The following MRTFB variants were observed in gnomAD, a reference collection of about 807,000 sequenced individuals.
The protein encoded by MRTFB is myocardin-related transcription factor B.
Under a neutral mutation model 104.2 loss-of-function variants are expected in MRTFB, and 29 were observed. The ratio of observed to expected loss-of-function variants is 0.28; its 90% confidence interval spans 0.21 to 0.38. The LOEUF is 0.38. MRTFB is among the 10% of genes least tolerant of loss of function. The pLI is 1.00. For missense variants in MRTFB, 1,270 were observed against 1,341.6 expected, an observed-to-expected ratio of 0.95 and a Z score of 0.83; for synonymous variants, 535 against 519.5, an observed-to-expected ratio of 1.03 and a Z score of -0.41.
chr16:14,255,987 C>T (rs1168065415), intron 15 of MRTFB, among the ~76,000 whole-genome samples: 1 of 151,594 alleles, frequency 6.6e-6, no homozygotes, highest in East Asian at 1.9e-4. Context: ...GTGGTGCATA[C>T]CTGTAGTCCC....
intron 3 of MRTFB, among the ~76,000 whole-genome samples, chr16:14,159,684 C>T (rs2038955533): frequency 6.6e-6 from 1 of 151,988 alleles, no homozygotes; most frequent in Non-Finnish European, 1.5e-5. Context: ...AATCCCAGCA[C>T]TTTGGGAGGC....
intron 2 of MRTFB, among the ~76,000 whole-genome samples, chr16:14,109,431 G>A (rs1037554983): frequency 6.6e-6 from 1 of 152,138 alleles, no homozygotes. Flanking sequence ...AGGATATCAA[G>A]AAGAAAACAT....
chr16:14,143,888 G>T (rs907554611), intron 3 of MRTFB: 3 of 152,138 alleles, frequency 2.0e-5, no homozygotes, highest in African/African-American at 7.2e-5. Flanking sequence ...GTGAAAAGGA[G>T]GTTACCCTCC....
intron 10 of MRTFB, among the ~76,000 whole-genome samples, chr16:14,243,986 T>G (rs1428175392): frequency 6.6e-6 from 1 of 151,672 alleles, no homozygotes; most frequent in Non-Finnish European, 1.5e-5. Context: ...CACGCCATTC[T>G]CCTGCCTCAG....
chr16:14,052,965 T>C, the MRTFB span, among the ~76,000 whole-genome samples: 2 of 152,134 alleles, frequency 1.3e-5, no homozygotes, highest in Non-Finnish European at 2.9e-5. Context: ...GAACATATGA[T>C]ATTTGTTTTT....
chr16:14,024,106 A>G, the MRTFB span, among the ~76,000 whole-genome samples: 1 of 151,526 alleles, frequency 6.6e-6, no homozygotes, highest in Non-Finnish European at 1.5e-5. Flanking sequence ...TATCACCATC[A>G]TCTACCTTAT....
In MRTFB at chr16:14,248,908, T is replaced by C. The variant is rs1275355227; in HGVS notation, c.2248-18T>C. On this transcript the variant is annotated intron_variant, in intron 12 of 16. Transcript: ENST00000571589. ...ATTCTGACAATTAAATTGATGTTTT[T>C]TTCAATTCACCTCCTAGACTTCACC... The C allele has an allele frequency of 1.9e-6, 3 of 1,609,352 alleles. No homozygotes were observed. The Admixed American group carries it at 5.1e-5, about 27-fold the overall frequency.
chr16:14,168,026 G>T (rs1007905452), intron 3 of MRTFB, among the ~76,000 whole-genome samples: 9 of 152,252 alleles, frequency 5.9e-5, no homozygotes, highest in African/African-American at 2.2e-4. Flanking sequence ...GTGTAAGGAA[G>T]GGGCCTAGTT....
the MRTFB span, among the ~76,000 whole-genome samples, chr16:14,006,661 T>C: frequency 1.3e-5 from 2 of 152,216 alleles, no homozygotes; most frequent in African/African-American, 4.8e-5. Context: ...TGTTTGCATG[T>C]TTCAATATTT....
At chr16:14,031,391 CAAAA>C in the MRTFB span, among the ~76,000 whole-genome samples, 3 of 81,162 alleles carry the variant, frequency 3.7e-5, no homozygotes, top group Non-Finnish European at 2.5e-5. Context: ...GAGGCTGTCT[CAAAA>C]AAAAAAAAAA....
intron 2 of MRTFB, among the ~76,000 whole-genome samples, chr16:14,082,179 C>T (rs952827982): frequency 5.9e-5 from 9 of 152,322 alleles, no homozygotes; most frequent in African/African-American, 4.8e-5. Flanking sequence ...TCACATCTTA[C>T]GTTTAAGTCT....
chr16:14,145,099 C>T (rs1266883819), intron 3 of MRTFB, among the ~76,000 whole-genome samples: 2 of 150,672 alleles, frequency 1.3e-5, no homozygotes, highest in Admixed American at 6.6e-5. Context: ...AGTATGTTCA[C>T]ATCAAGTAAT....
intron 3 of MRTFB, among the ~76,000 whole-genome samples, chr16:14,162,266 C>T (rs2039070630): frequency 6.6e-6 from 1 of 151,814 alleles, no homozygotes; most frequent in South Asian, 2.1e-4. Flanking sequence ...CCTGTGATGT[C>T]GAGACTGCAG....
intron 3 of MRTFB, among the ~76,000 whole-genome samples, chr16:14,166,622 C>G (rs2039250946): frequency 6.6e-6 from 1 of 152,144 alleles, no homozygotes; most frequent in African/African-American, 2.4e-5. Flanking sequence ...GTATTAAGCC[C>G]AGCATGCATT....
At chr16:14,172,636 A>G (rs989743763) in intron 3 of MRTFB, among the ~76,000 whole-genome samples, 1 of 152,164 alleles carries the variant, frequency 6.6e-6, no homozygotes, top group South Asian at 2.1e-4. Flanking sequence ...TCGCATTCCA[A>G]CTAGCACTGT....
intron 2 of MRTFB, among the ~76,000 whole-genome samples, chr16:14,081,349 A>G (rs956073950): frequency 6.7e-6 from 1 of 150,096 alleles, no homozygotes; most frequent in African/African-American, 2.5e-5. Context: ...CTGGAATGCA[A>G]TGCTGTGATC....
intron 8 of MRTFB, 135 bp downstream of exon 8, chr16:14,219,133 C>A: frequency 1.2e-6 from 1 of 822,044 alleles, no homozygotes. Flanking sequence ...AAAGCAGGCA[C>A]TTAACTGCCC....
At chr16:14,120,696 T>C (rs1263232337) in intron 2 of MRTFB, among the ~76,000 whole-genome samples, 1 of 152,238 alleles carries the variant, frequency 6.6e-6, no homozygotes, top group African/African-American at 2.4e-5. Flanking sequence ...TGGCTTTATA[T>C]ATTGATACAT....
chr16:14,249,977 T>C (rs2043189415), intron 13 of MRTFB, among the ~76,000 whole-genome samples: 1 of 152,208 alleles, frequency 6.6e-6, no homozygotes, highest in South Asian at 2.1e-4. Flanking sequence ...CATGGTTGTA[T>C]GTTACTGAGT....
Sources: allele counts gnomAD v4.1 joint callset (sites outside exome capture counted in the v4.1 genomes callset), GRCh38; gene constraint gnomAD v4.1.1; transcripts MANE v1.5; gene names NCBI Gene and HGNC (gene_info 2026-07-23, HGNC 2026-07-21).